The following ZNF260 variants were observed in gnomAD, a reference collection of about 807,000 sequenced individuals.
The protein encoded by ZNF260 is zinc finger protein 260.
In ZNF260, 21 loss-of-function variants were observed where a neutral mutation model predicts 29.3. The observed-to-expected ratio is 0.72, with a 90% CI of 0.51 to 1.03. The LOEUF is 1.03. Among genes scored for constraint, ZNF260 ranks in the 50% least tolerant of loss-of-function variants. The probability of loss-of-function intolerance (pLI) is 0.00; values close to 1 mark genes in which losing one functional copy is unlikely to be tolerated. For synonymous variants in ZNF260, 156 were observed against 156.8 expected, an observed-to-expected ratio of 0.99 and a Z score of 0.04; for missense variants, 465 against 487.8, an observed-to-expected ratio of 0.95 and a Z score of 0.44.
At chr19:36,516,735 T>C (rs1449955118) in intron 2 of ZNF260, among the ~76,000 whole-genome samples, 1 of 152,124 alleles carries the variant, frequency 6.6e-6, no homozygotes, top group South Asian at 2.1e-4. Context: ...CCCACCACCA[T>C]GCCCTGCCAA....
chr19:36,517,371 G>A (rs2034568767), intron 2 of ZNF260: 1 of 152,006 alleles, frequency 6.6e-6, no homozygotes, highest in African/African-American at 2.4e-5. Context: ...ATCCAGCCTA[G>A]GTGACAGAGT....
intron 2 of ZNF260, among the ~76,000 whole-genome samples, chr19:36,524,568 G>A (rs2034703423): frequency 7.8e-6 from 1 of 127,648 alleles, no homozygotes; most frequent in Non-Finnish European, 1.6e-5. Flanking sequence ...CGCAGAGGGG[G>A]ATTTGGCAGG....
chr19:36,527,827 T>C (rs1316143047), intron 1 of ZNF260, among the ~76,000 whole-genome samples: 1 of 152,194 alleles, frequency 6.6e-6, no homozygotes, highest in African/African-American at 2.4e-5. Flanking sequence ...AAAATCACCT[T>C]TAAAATTACT....
intron 2 of ZNF260, among the ~76,000 whole-genome samples, chr19:36,524,564 G>C (rs907828534): frequency 6.3e-4 from 60 of 94,656 alleles, no homozygotes; most frequent in African/African-American, 2.1e-3. Context: ...TTCTCGCAGA[G>C]GGGGATTTGG....
At chr19:36,521,380 A>G (rs188204381) in intron 2 of ZNF260, among the ~76,000 whole-genome samples, 40 of 152,352 alleles carry the variant, frequency 2.6e-4, no homozygotes, top group African/African-American at 9.6e-4. Context: ...ACTGTAAATG[A>G]CAATGCTGAA....
At chr19:36,527,482 G>A (rs2145761080) in intron 1 of ZNF260, among the ~76,000 whole-genome samples, 1 of 152,192 alleles carries the variant, frequency 6.6e-6, no homozygotes, top group South Asian at 2.1e-4. Context: ...ATTTACAAAA[G>A]GCTGGGGAAA....
At position 36,511,739 on chromosome 19, in the gene ZNF260, C is replaced by T. The variant is rs1471119254; in HGVS notation, c.*2261G>A. On this transcript the variant is annotated 3_prime_UTR_variant, in exon 3 of 3. Transcript: ENST00000523638. ...AACAAATTCTCAAAAAGATTTGCTTCAAATAAGAGAACACTGTTTAGGTGG... is the reference window on the plus strand; with the variant it reads ...AACAAATTCTCAAAAAGATTTGCTTTAAATAAGAGAACACTGTTTAGGTGG... 7 of 152,082 alleles carry T rather than the reference C, an allele frequency of 4.6e-5. No homozygotes were observed. In the East Asian group the frequency reaches 1.4e-3, roughly 29 times the overall value. 9.4% of individuals were successfully genotyped at this position (152,082 alleles called of 1,614,324 possible).
intron 2 of ZNF260, among the ~76,000 whole-genome samples, chr19:36,522,511 A>G (rs1377570186): frequency 6.6e-6 from 1 of 152,162 alleles, no homozygotes; most frequent in Non-Finnish European, 1.5e-5. Context: ...TGGCAAACTA[A>G]AAGAGTTTTT....
In ZNF260 at chr19:36,514,550, A is replaced by G; in HGVS notation, c.689T>C (p.Ile230Thr). ...YECKGCGKAFIQKSSLIRHQR... is the reference protein window; with the variant it reads ...YECKGCGKAFTQKSSLIRHQR... ...GTGTCTAATGAGGCTTGACTTCTGA[A>G]TGAAAGCTTTCCCACACCCTTTACA... The change falls in exon 3 of 3, where the codon ATT becomes ACT. Residue 230 changes from isoleucine to threonine, a missense_variant. By Grantham distance (89) the Ile-to-Thr change is moderately conservative (BLOSUM62 -1). Coordinates refer to ENST00000523638, the MANE Select transcript of ZNF260 (RefSeq NM_001166037.2). 1 of 1,613,608 alleles carries G rather than the reference A, an allele frequency of 6.2e-7. No individual in the cohort carries two copies. The highest frequency in any genetic ancestry group is 1.1e-5 in the South Asian group (1 of 91,040).
Position 36,513,964 on chromosome 19 carries a change from A to T in ZNF260, c.*36T>A. On this transcript the variant is annotated 3_prime_UTR_variant, in exon 3 of 3. Coordinates refer to ENST00000523638, the MANE Select transcript of ZNF260 (RefSeq NM_001166037.2). ...ACACTATTAAGTGTAAAATCTGCTG[A>T]ACGTTTTGCTAAATCCAAGGCATTC... 6.3e-7 allele frequency: 1 copy of T among 1,578,524 alleles called. No individual in the cohort carries two copies. Among genetic ancestry groups the T allele is most frequent in the Non-Finnish European group, 8.6e-7 (1 of 1,160,638 alleles).
intron 1 of ZNF260, among the ~76,000 whole-genome samples, chr19:36,526,523 G>C (rs894285607): frequency 6.6e-6 from 1 of 152,164 alleles, no homozygotes; most frequent in East Asian, 1.9e-4. Context: ...CTGGGTGACA[G>C]AGTGAGACTC....
chr19:36,518,912 A>G (rs2034595782), intron 2 of ZNF260, among the ~76,000 whole-genome samples: 1 of 152,100 alleles, frequency 6.6e-6, no homozygotes, highest in South Asian at 2.1e-4. Flanking sequence ...GTGTGGTGGC[A>G]TATACATGTA....
chr19:36,528,156 A>T (rs1449182757), intron 1 of ZNF260, 63 bp downstream of exon 1: 2 of 123,744 alleles, frequency 1.6e-5, no homozygotes, highest in African/African-American at 2.8e-5. Context: ...CCTCCCCTCC[A>T]GCGTCCCTGG....
chr19:36,516,792 G>A (rs965209604), intron 2 of ZNF260, among the ~76,000 whole-genome samples: 3 of 152,014 alleles, frequency 2.0e-5, no homozygotes, highest in South Asian at 2.1e-4. Context: ...GTTGGCCAGG[G>A]TGGTCTCGAT....
At chr19:36,520,086 C>A (rs1489150508) in intron 2 of ZNF260, among the ~76,000 whole-genome samples, 3 of 150,940 alleles carry the variant, frequency 2.0e-5, no homozygotes, top group African/African-American at 7.3e-5. Context: ...GTAATCCCAG[C>A]TACTCGGGAG....
At chr19:36,523,507 G>A (rs191137814) in intron 2 of ZNF260, among the ~76,000 whole-genome samples, 1 of 151,948 alleles carries the variant, frequency 6.6e-6, no homozygotes, top group East Asian at 1.9e-4. Context: ...CAGGAATGAA[G>A]AGACATACCT....
In ZNF260 at chr19:36,514,717, G is replaced by T; in HGVS notation, c.522C>A (p.Ser174Arg). ...GATGTTTAATGAGGTATTGCTTCTG[G>T]CTGAAGGCTCTTCCACACTGATTAC... The part of the protein sequence containing the change: ...FECNQCGRAF[S>R]QKQYLIKHQN... The change falls in exon 3 of 3, where the codon AGC becomes AGA. Residue 174 changes from serine to arginine, a missense_variant. Transcript: ENST00000523638. The T allele has an allele frequency of 6.2e-7, 1 of 1,613,576 alleles. No individual in the cohort carries two copies. The highest frequency in any genetic ancestry group is 8.5e-7 in the Non-Finnish European group (1 of 1,179,978).
At position 36,512,023 on chromosome 19, in the gene ZNF260, CTAAT is replaced by C. The variant is rs2034460113; in HGVS notation, c.*1973_*1976del. The C allele has an allele frequency of 1.3e-5, 2 of 152,036 alleles. No individual in the cohort carries two copies. Among genetic ancestry groups the C allele is most frequent in the Admixed American group, 1.3e-4 (2 of 15,250 alleles). The allele number at this position is 152,036 out of a possible 1,614,324, so 9.4% of individuals were successfully genotyped here. A position where few individuals can be genotyped will look rare whatever the true frequency, so the allele number is the denominator to read the frequency against. ...TTTCTGATAAATGTTTTAGTAAAAACTAATTCTCTCCATGTCTGTGCATATATTA... is the reference window on the plus strand; with the variant it reads ...TTTCTGATAAATGTTTTAGTAAAAACTCTCTCCATGTCTGTGCATATATTA... On this transcript the variant is annotated 3_prime_UTR_variant, in exon 3 of 3. Transcript: ENST00000523638.
At chr19:36,522,105 T>A (rs1036685140) in intron 2 of ZNF260, among the ~76,000 whole-genome samples, 1 of 151,818 alleles carries the variant, frequency 6.6e-6, no homozygotes, top group African/African-American at 2.4e-5. Flanking sequence ...TAAGTCAAAA[T>A]GCTCTAATGG....
Sources: gnomAD v4.1 joint callset for allele counts (sites outside exome capture counted in the v4.1 genomes callset) on GRCh38, gnomAD v4.1.1 for gene constraint, MANE v1.5 for transcripts, NCBI Gene and HGNC (gene_info 2026-07-23, HGNC 2026-07-21) for gene names.